Variants in PLCE1 observed in about 807,000 individuals in gnomAD.
PLCE1 encodes the protein 1-phosphatidylinositol 4,5-bisphosphate phosphodiesterase epsilon-1.
A neutral mutation model predicts 242.8 loss-of-function variants in PLCE1; 119 were observed. The ratio of observed to expected loss-of-function variants is 0.49; its 90% CI spans 0.42 to 0.57. The LOEUF (loss-of-function observed/expected upper bound fraction) is 0.57, where lower values mean the gene tolerates loss of function less well. PLCE1 is among the 20% of genes least tolerant of loss of function. The pLI is 0.00. For missense variants in PLCE1, 2,441 were observed against 2,788.8 expected, an observed-to-expected ratio of 0.88 and a Z score of 2.81; for synonymous variants, 945 against 1,017.4, an observed-to-expected ratio of 0.93 and a Z score of 1.35.
rs928391313 is a variant in PLCE1 at position 93,994,192 on chromosome 10, G to T, written c.-431G>T. ...ACCCGACGCCGCTAGCGACAGGCGC[G>T]CGGACGGCTGGTCCCAGAGGGACGC... On this transcript the variant is annotated 5_prime_UTR_variant, in exon 1 of 33. Transcript: ENST00000371380. Among the ~76,000 whole-genome samples the T allele has an allele frequency of 6.6e-6, 1 of 152,188 alleles. No individual in the cohort carries two copies. The highest frequency in any genetic ancestry group is 1.5e-5 in the Non-Finnish European group (1 of 68,028).
intron 4 of PLCE1, among the ~76,000 whole-genome samples, chr10:94,182,380 C>A (rs1564764600): frequency 1.3e-5 from 2 of 151,936 alleles, no homozygotes; most frequent in Non-Finnish European, 2.9e-5. Flanking sequence ...AATTCTCGTG[C>A]CTCAGCCTCC....
rs2061541204 is a variant in PLCE1, at chr10:94,030,728, G to C, written c.-319G>C. 1 of 336,210 alleles carries C rather than the reference G, an allele frequency of 3.0e-6. No homozygotes were observed. Among genetic ancestry groups the C allele is most frequent in the African/African-American group, 2.1e-5 (1 of 46,904 alleles). 20.8% of individuals were successfully genotyped at this position (336,210 alleles called of 1,614,324 possible). A position where few individuals can be genotyped will look rare whatever the true frequency, so the allele number is the denominator to read the frequency against. ...TGGATTTTAAAATCATTGCAAATCAGTGATGGATCAGAAGTTGCAGAGTGC... is the reference window on the plus strand; with the variant it reads ...TGGATTTTAAAATCATTGCAAATCACTGATGGATCAGAAGTTGCAGAGTGC... On this transcript the variant is annotated 5_prime_UTR_variant, in exon 2 of 33. Coordinates refer to ENST00000371380, the MANE Select transcript of PLCE1 (RefSeq NM_016341.4).
chr10:94,264,665 G>A (rs1043707923), intron 14 of PLCE1, among the ~76,000 whole-genome samples: 1 of 151,816 alleles, frequency 6.6e-6, no homozygotes. Flanking sequence ...GGGATTACAG[G>A]CACACAGCAC....
At chr10:94,239,138 G>A (rs1380008182) in intron 7 of PLCE1, among the ~76,000 whole-genome samples, 3 of 152,198 alleles carry the variant, frequency 2.0e-5, no homozygotes, top group Admixed American at 6.5e-5. Flanking sequence ...GGTGGCTATC[G>A]TGATTAATGT....
intron 27 of PLCE1, among the ~76,000 whole-genome samples, chr10:94,311,929 T>C (rs2053398713): frequency 6.6e-6 from 1 of 152,152 alleles, no homozygotes; most frequent in Admixed American, 6.5e-5. Flanking sequence ...GCACAGACTC[T>C]TAGAAAGCAG....
chr10:94,170,284 A>G (rs1391595378), intron 3 of PLCE1, among the ~76,000 whole-genome samples: 2 of 149,844 alleles, frequency 1.3e-5, no homozygotes, highest in African/African-American at 2.5e-5. Flanking sequence ...TCCAGAGATC[A>G]TTCTTTGGAA....
intron 14 of PLCE1, among the ~76,000 whole-genome samples, chr10:94,264,449 G>C (rs2051432912): frequency 6.6e-6 from 1 of 151,630 alleles, no homozygotes; most frequent in Non-Finnish European, 1.5e-5. Context: ...TAAGGAGGTT[G>C]GCTTTAGTCC....
At position 94,132,428 on chromosome 10, in the gene PLCE1, T is replaced by C. The variant is rs374646299; in HGVS notation, c.1461T>C (p.Phe487=). 1.0e-4 allele frequency: 162 copies of C among 1,614,154 alleles called. No individual in the cohort carries two copies. The African/African-American group carries it at 1.9e-3, about 19-fold the overall frequency. Residue 487 remains phenylalanine (F), a synonymous_variant, in exon 3 of 33, where the codon TTT becomes TTC. Transcript: ENST00000371380. ...CAAGAAGTGGCCTTCTCAGTACTTTTGGAGGATCCACTGGACGAATGATGC... is the reference window on the plus strand; with the variant it reads ...CAAGAAGTGGCCTTCTCAGTACTTTCGGAGGATCCACTGGACGAATGATGC... The part of the protein sequence containing the change: ...LGARSGLLST[F]GGSTGRMMLK...
chr10:94,059,995 G>T (rs1048915879), intron 2 of PLCE1, among the ~76,000 whole-genome samples: 4 of 152,146 alleles, frequency 2.6e-5, no homozygotes, highest in African/African-American at 9.7e-5. Context: ...AATTATAGTG[G>T]AAGTGTTTTT....
At chr10:94,018,722 T>C (rs1463583038) in intron 1 of PLCE1, among the ~76,000 whole-genome samples, 1 of 152,218 alleles carries the variant, frequency 6.6e-6, no homozygotes, top group Non-Finnish European at 1.5e-5. Context: ...TTTATGACTC[T>C]GTAGTAAGTA....
At chr10:94,313,888 C>G (rs1434531072) in intron 28 of PLCE1, among the ~76,000 whole-genome samples, 1 of 152,148 alleles carries the variant, frequency 6.6e-6, no homozygotes, top group African/African-American at 2.4e-5. Flanking sequence ...AGCCTAAGGC[C>G]TTCCTTTGCA....
intron 1 of PLCE1, among the ~76,000 whole-genome samples, chr10:94,001,776 G>A (rs929398472): frequency 3.3e-5 from 5 of 152,198 alleles, no homozygotes; most frequent in Non-Finnish European, 5.9e-5. Flanking sequence ...GATTCAGCGT[G>A]TTTTTCACAT....
chr10:94,134,548 A>G (rs754995475), intron 3 of PLCE1, among the ~76,000 whole-genome samples: 1 of 152,232 alleles, frequency 6.6e-6, no homozygotes, highest in Non-Finnish European at 1.5e-5. Context: ...TCCACAAGGT[A>G]TACATATTTC....
chr10:94,047,177 T>C (rs1484674191), intron 2 of PLCE1, among the ~76,000 whole-genome samples: 1 of 152,206 alleles, frequency 6.6e-6, no homozygotes, highest in African/African-American at 2.4e-5. Flanking sequence ...TACCTCCAGG[T>C]AAATAAAGAT....
intron 1 of PLCE1, among the ~76,000 whole-genome samples, chr10:94,005,806 C>T (rs2061024411): frequency 1.3e-5 from 2 of 152,210 alleles, no homozygotes; most frequent in African/African-American, 4.8e-5. Flanking sequence ...GCACTGAAGG[C>T]CTCACCTTCC....
At chr10:94,042,332 A>G (rs369272629) in intron 2 of PLCE1, among the ~76,000 whole-genome samples, 40 of 152,232 alleles carry the variant, frequency 2.6e-4, no homozygotes, top group African/African-American at 9.1e-4. Context: ...GGCTTCCCAG[A>G]TGTCTTGTCT....
At chr10:94,025,943 T>G (rs930944417) in intron 1 of PLCE1, among the ~76,000 whole-genome samples, 4 of 152,220 alleles carry the variant, frequency 2.6e-5, no homozygotes, top group Non-Finnish European at 4.4e-5. Flanking sequence ...CCATATGGTA[T>G]TTGTTACCAC....
In PLCE1 at chr10:94,324,431, A is replaced by C; in HGVS notation, c.6584A>C (p.Lys2195Thr). 4.8e-5 allele frequency: 78 copies of C among 1,614,112 alleles called. No individual in the cohort carries two copies. Among genetic ancestry groups the C allele is most frequent in the Non-Finnish European group, 6.5e-5 (77 of 1,179,974 alleles). Residue 2195 changes from lysine (K) to threonine (T), a missense_variant, in exon 31 of 33, where the codon AAA (lysine) becomes ACA (threonine). Physicochemically the swap from Lys to Thr is moderately conservative, Grantham distance 78. This residue lies in a region of PLCE1 where 310 missense variants were observed against 317.2 expected (regional missense o/e 0.98). Coordinates refer to ENST00000371380, the MANE Select transcript of PLCE1 (RefSeq NM_016341.4). ...SDYVLLEEVV[K>T]DTTNKKTTTP... ...TATGTGCTTTTGGAAGAGGTGGTGA[A>C]AGACACTACCAACAAGAAGACTACC... is the stretch of plus-strand genomic sequence containing the variant.
intron 23 of PLCE1, among the ~76,000 whole-genome samples, chr10:94,296,672 T>C (rs1280134267): frequency 1.3e-5 from 2 of 152,200 alleles, no homozygotes; most frequent in African/African-American, 2.4e-5. Flanking sequence ...ACTAACACTT[T>C]CCCCATATCA....
Sources: gnomAD v4.1 joint callset for allele counts (sites outside exome capture counted in the v4.1 genomes callset) on GRCh38, gnomAD v4.1.1 for gene constraint, gnomAD v4.1.1 regional missense constraint, MANE v1.5 for transcripts, NCBI Gene and HGNC (gene_info 2026-07-23, HGNC 2026-07-21) for gene names.